IL1RAPL1: variants seen among roughly 807,000 people sequenced by gnomAD.
IL1RAPL1 encodes interleukin 1 receptor accessory protein like 1.
In IL1RAPL1, 3 loss-of-function variants were observed where a neutral mutation model predicts 48.4. The observed-to-expected ratio is 0.06, with a 90% CI of 0.03 to 0.16. IL1RAPL1 has a LOEUF of 0.16. IL1RAPL1 is among the 10% of genes least tolerant of loss of function. IL1RAPL1 has a pLI of 1.00. For synonymous variants in IL1RAPL1, 185 were observed against 187.7 expected, an observed-to-expected ratio of 0.99 and a Z score of 0.12; for missense variants, 349 against 530.6, an observed-to-expected ratio of 0.66 and a Z score of 3.36.
intron 1 of IL1RAPL1, among the ~76,000 whole-genome samples, chrX:28,645,716 C>G (rs1463893397): frequency 9.0e-6 from 1 of 111,497 alleles, no homozygotes; most frequent in Non-Finnish European, 1.9e-5. Context: ...AAGAATTGAG[C>G]CTATGAATAT....
chrX:29,092,755 G>A (rs1485204854), intron 2 of IL1RAPL1, among the ~76,000 whole-genome samples: 2 of 112,001 alleles, frequency 1.8e-5, no homozygotes, highest in Non-Finnish European at 3.8e-5. Flanking sequence ...TTAAGGAAAG[G>A]TTCTTGGTTA....
chrX:28,611,885 C>A (rs1267318847), intron 1 of IL1RAPL1, among the ~76,000 whole-genome samples: 1 of 112,470 alleles, frequency 8.9e-6, no homozygotes, highest in Non-Finnish European at 1.9e-5. Context: ...GACACTGAAA[C>A]ACAGATAACG....
intron 5 of IL1RAPL1, among the ~76,000 whole-genome samples, chrX:29,608,976 T>C (rs1322968722): frequency 8.9e-6 from 1 of 112,100 alleles, no homozygotes; most frequent in African/African-American, 3.2e-5. Flanking sequence ...AGAAAATAGA[T>C]GACATACACG....
intron 5 of IL1RAPL1, among the ~76,000 whole-genome samples, chrX:29,573,118 A>G (rs941359100): frequency 8.9e-6 from 1 of 112,059 alleles, no homozygotes; most frequent in Non-Finnish European, 1.9e-5. Flanking sequence ...TCCTCACATC[A>G]TGGAAGGACA....
chrX:29,373,713 T>C (rs912041856), intron 3 of IL1RAPL1, among the ~76,000 whole-genome samples: 1 of 110,408 alleles, frequency 9.1e-6, no homozygotes, highest in Non-Finnish European at 1.9e-5. Context: ...ATTATCTTTA[T>C]GTGGTAAATT....
intron 2 of IL1RAPL1, among the ~76,000 whole-genome samples, chrX:28,807,690 T>C (rs958342387): frequency 3.0e-4 from 33 of 111,607 alleles, no homozygotes; most frequent in African/African-American, 1.0e-3. Flanking sequence ...CCAGGTTCAA[T>C]ATAATTAAGG....
chrX:29,312,372 C>T (rs1602164925), intron 3 of IL1RAPL1, among the ~76,000 whole-genome samples: 1 of 111,144 alleles, frequency 9.0e-6, no homozygotes, highest in East Asian at 2.8e-4. Context: ...TTGCAGTCAG[C>T]CGAGATCGTA....
chrX:28,823,902 A>T (rs1040610931), intron 2 of IL1RAPL1, among the ~76,000 whole-genome samples: 3 of 111,556 alleles, frequency 2.7e-5, no homozygotes, highest in Non-Finnish European at 5.7e-5. Flanking sequence ...ATGTAAGGTA[A>T]CATGTTCACA....
intron 5 of IL1RAPL1, among the ~76,000 whole-genome samples, chrX:29,513,083 C>T (rs752843862): frequency 9.0e-6 from 1 of 111,573 alleles, no homozygotes; most frequent in African/African-American, 3.3e-5. Context: ...GTTTCAGTTA[C>T]CAATATCACT....
At chrX:29,918,683 G>C (rs1485107147) in intron 7 of IL1RAPL1, among the ~76,000 whole-genome samples, 2 of 110,839 alleles carry the variant, frequency 1.8e-5, no homozygotes, top group African/African-American at 6.6e-5. Context: ...GCCTTTCTTA[G>C]TCTGACTTTA....
intron 3 of IL1RAPL1, among the ~76,000 whole-genome samples, chrX:29,333,653 C>T (rs1456307199): frequency 1.3e-3 from 105 of 79,412 alleles, no homozygotes; most frequent in African/African-American, 5.3e-3. Context: ...CCAGTAGGGG[C>T]GGCCGGGCAG....
Position 28,893,126 on chromosome X carries a change from A to C in IL1RAPL1, c.82+103701A>C, listed in dbSNP as rs761755151. 1.8e-3 allele frequency among the ~76,000 whole-genome samples: 195 copies of C among 111,052 alleles called. 1 individual carries two copies. The highest frequency in any genetic ancestry group is 9.3e-3 in the Middle Eastern group (2 of 215). ...TAGACAGAAGATAGCAGGGATGACAAGTTTTTTGGGGTGCAGTCTAAGTTG... is the reference window on the plus strand; with the variant it reads ...TAGACAGAAGATAGCAGGGATGACACGTTTTTTGGGGTGCAGTCTAAGTTG... On this transcript the variant is annotated intron_variant, in intron 2 of 10. Coordinates refer to ENST00000378993, the MANE Select transcript of IL1RAPL1 (RefSeq NM_014271.4).
Position 29,045,738 on chromosome X carries a change from A to G in IL1RAPL1, c.83-237200A>G, listed in dbSNP as rs189589345. Among the ~76,000 whole-genome samples the G allele has an allele frequency of 4.2e-3, 467 of 112,035 alleles. 4 individuals are homozygous for G. Among genetic ancestry groups the G allele is most frequent in the African/African-American group, 0.014 (443 of 30,867 alleles). ...GAGCCACCATGCCCAGTCTACAAAC[A>G]CATTTTAAAACCATAGGCCTTCTAG... On this transcript the variant is annotated intron_variant, in intron 2 of 10. Transcript: ENST00000378993.
chrX:28,672,949 C>A (rs1291391005), intron 1 of IL1RAPL1, among the ~76,000 whole-genome samples: 1 of 111,377 alleles, frequency 9.0e-6, no homozygotes, highest in Non-Finnish European at 1.9e-5. Context: ...CCTCTCCCTC[C>A]TCCCACCCTC....
intron 3 of IL1RAPL1, among the ~76,000 whole-genome samples, chrX:29,387,514 C>T (rs59858305): frequency 0.11 from 12,805 of 111,770 alleles, 699 homozygotes; most frequent in African/African-American, 0.21. Flanking sequence ...TTCCCTATCC[C>T]TTGTCTTTCA....
At chrX:29,108,024 T>G (rs1323759656) in intron 2 of IL1RAPL1, among the ~76,000 whole-genome samples, 1 of 111,970 alleles carries the variant, frequency 8.9e-6, no homozygotes, top group Non-Finnish European at 1.9e-5. Context: ...CCTGGAGAAC[T>G]AGCACATAGG....
intron 2 of IL1RAPL1, among the ~76,000 whole-genome samples, chrX:29,274,952 T>C: frequency 9.1e-6 from 1 of 110,488 alleles, no homozygotes; most frequent in Non-Finnish European, 1.9e-5. Flanking sequence ...CCTTGTCATA[T>C]CCTTTGCTAC....
chrX:28,690,845 C>T (rs906922833), intron 1 of IL1RAPL1, among the ~76,000 whole-genome samples: 2 of 111,106 alleles, frequency 1.8e-5, no homozygotes, highest in Non-Finnish European at 3.8e-5. Context: ...AATTAAAACC[C>T]ACAACCTTTA....
intron 6 of IL1RAPL1, among the ~76,000 whole-genome samples, chrX:29,789,784 T>C (rs1161930942): frequency 1.9e-5 from 2 of 103,381 alleles, no homozygotes; most frequent in Non-Finnish European, 1.9e-5. Context: ...GAGTTTCTTT[T>C]TTTTTTTTTT....
Sources: allele counts gnomAD v4.1 joint callset (sites outside exome capture counted in the v4.1 genomes callset), GRCh38; gene constraint gnomAD v4.1.1; transcripts MANE v1.5; gene names NCBI Gene and HGNC (gene_info 2026-07-23, HGNC 2026-07-21).